Variants in MINAR1 observed in about 807,000 individuals in gnomAD.
The protein encoded by MINAR1 is major intrinsically disordered Notch2-binding receptor 1.
A neutral mutation model predicts 65.1 loss-of-function variants in MINAR1; 40 were observed. That is an observed-to-expected ratio of 0.61 (90% CI 0.48 to 0.80). The LOEUF (loss-of-function observed/expected upper bound fraction) is 0.80. MINAR1 is among the 30% of genes least tolerant of loss of function. The pLI, the probability that MINAR1 is intolerant of heterozygous loss-of-function variation, is 0.00. For synonymous variants in MINAR1, 482 were observed against 449.1 expected (o/e 1.07, Z -0.93); for missense variants, 1,128 against 1,148.0 (o/e 0.98, Z 0.25).
chr15:79,443,846 T>A (rs976235040), intron 1 of MINAR1, among the ~76,000 whole-genome samples: 2 of 152,128 alleles, frequency 1.3e-5, no homozygotes, highest in Non-Finnish European at 1.5e-5. Context: ...AGGTTTTGAT[T>A]ATCTTGAGCT....
rs186398928 is a variant in MINAR1 at position 79,457,104 on chromosome 15, G to A, written c.957G>A (p.Pro319=). 255 of 1,614,068 alleles carry A rather than the reference G, an allele frequency of 1.6e-4. No homozygotes were observed. Among genetic ancestry groups the A allele is most frequent in the Non-Finnish European group, 8.5e-5 (100 of 1,180,012 alleles). Reference sequence around the variant, plus strand: ...AGTACCTGAATCCAGTGTATTCCCCGGTTCCTGACAAAAGGCGAGCAAAGC... The same window carrying A: ...AGTACCTGAATCCAGTGTATTCCCCAGTTCCTGACAAAAGGCGAGCAAAGC... ...NSQYLNPVYS[P]VPDKRRAKHE... is the part of the protein sequence containing the mutation. The change falls in exon 2 of 4, where the codon CCG becomes CCA. Residue 319 remains proline, a synonymous_variant. Coordinates refer to ENST00000305428, the MANE Select transcript of MINAR1 (RefSeq NM_015206.3).
chr15:79,440,124 T>C (rs1894830150), intron 1 of MINAR1, among the ~76,000 whole-genome samples: 1 of 152,138 alleles, frequency 6.6e-6, no homozygotes, highest in Admixed American at 6.5e-5. Context: ...GCATCCACTA[T>C]ACCAGAACCT....
In MINAR1 at chr15:79,452,767, CTG is replaced by C. The variant is rs200348930; in HGVS notation, c.-50-3326_-50-3325del. On this transcript the variant is annotated intron_variant, in intron 1 of 3. Coordinates refer to ENST00000305428, the MANE Select transcript of MINAR1 (RefSeq NM_015206.3). ...GGGGGGGGTGTGTGGGTGAGTGAAG[CTG>C]TGTGCGTGTCTGTGTCTAGGTGAGT... Among the ~76,000 whole-genome samples the C allele has an allele frequency of 9.5e-3, 1,255 of 132,668 alleles. 25 individuals carry two copies. Among genetic ancestry groups the C allele is most frequent in the African/African-American group, 0.032 (1,198 of 37,812 alleles). 87.0% of individuals were successfully genotyped at this position (132,668 alleles called of 152,430 possible).
the MINAR1 span, chr15:79,411,570 G>A: frequency 5.8e-6 from 4 of 695,342 alleles, no homozygotes; most frequent in Non-Finnish European, 7.9e-6. Context: ...GCTGAAGTGG[G>A]AGGAAGCTGC....
At position 79,456,975 on chromosome 15, in the gene MINAR1, C is replaced by T. The variant is rs749222378; in HGVS notation, c.828C>T (p.Gly276=). The part of the protein sequence containing the change: ...NLMAVSPSLV[G]PISKAENEHR... ...TGGCAGTGTCCCCCAGTTTGGTTGGCCCCATCAGCAAAGCAGAGAATGAGC... is the reference window on the plus strand; with the variant it reads ...TGGCAGTGTCCCCCAGTTTGGTTGGTCCCATCAGCAAAGCAGAGAATGAGC... Residue 276 remains glycine (G), a synonymous_variant, in exon 2 of 4, where the codon GGC becomes GGT. Coordinates refer to ENST00000305428, the MANE Select transcript of MINAR1 (RefSeq NM_015206.3). 5 of 1,614,004 alleles carry T rather than the reference C, an allele frequency of 3.1e-6. No homozygotes were observed. In the African/African-American group the frequency reaches 5.3e-5, roughly 17 times the overall value.
Position 79,457,379 on chromosome 15 carries a change from G to T in MINAR1, c.1232G>T (p.Arg411Leu). 2 of 1,614,112 alleles carry T rather than the reference G, an allele frequency of 1.2e-6. No individual in the cohort carries two copies. Among genetic ancestry groups the T allele is most frequent in the East Asian group, 2.2e-5 (1 of 44,876 alleles). ...QTPNFPAPER[R>L]PTYLVPKDQQ... The stretch of plus-strand genomic sequence containing the variant: ...CCCAATTTCCCAGCCCCAGAAAGGC[G>T]CCCAACTTACCTTGTGCCAAAGGAT... The change falls in exon 2 of 4, where the codon CGC (arginine) becomes CTC (leucine). Residue 411 changes from arginine (R) to leucine (L), a missense_variant. Transcript: ENST00000305428.
intron 1 of MINAR1, among the ~76,000 whole-genome samples, chr15:79,446,263 T>G (rs1443785751): frequency 1.3e-5 from 2 of 152,204 alleles, no homozygotes; most frequent in African/African-American, 4.8e-5. Context: ...GTTTTAATTC[T>G]GATCACTTCC....
chr15:79,426,819 A>G, the MINAR1 span: 65,145 of 152,104 alleles, frequency 0.43, 14,384 homozygotes, highest in South Asian at 0.55. Flanking sequence ...ACTGGGCTGC[A>G]TTCAGAAGAA....
At chr15:79,449,052 AT>A (rs771544823) in intron 1 of MINAR1, among the ~76,000 whole-genome samples, 3 of 152,218 alleles carry the variant, frequency 2.0e-5, no homozygotes, top group Non-Finnish European at 2.9e-5. Flanking sequence ...CCACAGGGTA[AT>A]GGGAAAAAAA....
upstream of MINAR1, among the ~76,000 whole-genome samples, chr15:79,428,720 G>C (rs572529631): frequency 1.3e-5 from 2 of 152,278 alleles, no homozygotes; most frequent in South Asian, 4.1e-4. Flanking sequence ...AGTTTACCTA[G>C]ATAGTAGGTG....
chr15:79,461,456 C>T (rs1895637829), intron 2 of MINAR1, among the ~76,000 whole-genome samples: 1 of 152,240 alleles, frequency 6.6e-6, no homozygotes, highest in Non-Finnish European at 1.5e-5. Context: ...ATCACCATCT[C>T]CCCTTCCTCC....
intron 1 of MINAR1, among the ~76,000 whole-genome samples, chr15:79,444,538 C>A (rs1188537711): frequency 2.0e-5 from 3 of 151,964 alleles, no homozygotes; most frequent in African/African-American, 4.8e-5. Flanking sequence ...TGATTTTCAA[C>A]CTTTTATTCC....
chr15:79,456,758 C>T lies in MINAR1; in HGVS notation c.611C>T (p.Thr204Ile). 6.2e-7 allele frequency: 1 copy of T among 1,614,190 alleles called. No homozygotes were observed. Among genetic ancestry groups the T allele is most frequent in the Non-Finnish European group, 8.5e-7 (1 of 1,180,036 alleles). ...RLQALAPYSV[T>I]SPQPCEMQRT... ...CAGGCCCTGGCTCCGTACTCTGTGACCAGCCCTCAGCCCTGTGAGATGCAG... is the reference window on the plus strand; with the variant it reads ...CAGGCCCTGGCTCCGTACTCTGTGATCAGCCCTCAGCCCTGTGAGATGCAG... The change falls in exon 2 of 4, where the codon ACC becomes ATC. Residue 204 changes from threonine to isoleucine, a missense_variant. Physicochemically the swap from Thr to Ile is moderately conservative, Grantham distance 89. Coordinates refer to ENST00000305428, the MANE Select transcript of MINAR1 (RefSeq NM_015206.3).
intron 2 of MINAR1, 111 bp downstream of exon 2, chr15:79,458,556 C>A: frequency 7.6e-7 from 1 of 1,309,204 alleles, no homozygotes; most frequent in Non-Finnish European, 1.0e-6. Flanking sequence ...CCTCTGTGTG[C>A]CAGTCATCCT....
chr15:79,449,531 G>C (rs1307030742), intron 1 of MINAR1, among the ~76,000 whole-genome samples: 4 of 123,400 alleles, frequency 3.2e-5, no homozygotes, highest in Non-Finnish European at 5.1e-5. Flanking sequence ...AAAAGGGCAA[G>C]CTAGCAGAAT....
chr15:79,441,641 A>G (rs1373571484), intron 1 of MINAR1, among the ~76,000 whole-genome samples: 1 of 152,152 alleles, frequency 6.6e-6, no homozygotes, highest in East Asian at 1.9e-4. Flanking sequence ...ATTGTTGATT[A>G]CTTCCTGTAA....
At chr15:79,454,935 C>A (rs555938687) in intron 1 of MINAR1, among the ~76,000 whole-genome samples, 2 of 149,982 alleles carry the variant, frequency 1.3e-5, no homozygotes, top group South Asian at 4.2e-4. Context: ...AATCTGTGAA[C>A]AGTTTTTGAA....
In MINAR1 at chr15:79,468,535, A is replaced by C. The variant is rs987003098; in HGVS notation, c.*151A>C. The C allele has an allele frequency of 3.7e-5, 26 of 703,846 alleles. No individual in the cohort carries two copies. Among genetic ancestry groups the C allele is most frequent in the Non-Finnish European group, 6.1e-5 (26 of 428,458 alleles). 43.6% of individuals were successfully genotyped at this position (703,846 alleles called of 1,614,324 possible). ...TGTTGAATGAAGGTGGTTTTCAGAA[A>C]GTATACATTCTAGTGAGAAATCTAC... On this transcript the variant is annotated 3_prime_UTR_variant, in exon 4 of 4. Coordinates refer to ENST00000305428, the MANE Select transcript of MINAR1 (RefSeq NM_015206.3).
chr15:79,459,636 G>A (rs945934407), intron 2 of MINAR1, among the ~76,000 whole-genome samples: 7 of 152,166 alleles, frequency 4.6e-5, no homozygotes, highest in Non-Finnish European at 1.0e-4. Context: ...TCAAAGCCAG[G>A]GAGGAGGCCG....
Sources: gnomAD v4.1 joint callset for allele counts (sites outside exome capture counted in the v4.1 genomes callset) on GRCh38, gnomAD v4.1.1 for gene constraint, MANE v1.5 for transcripts, NCBI Gene and HGNC (gene_info 2026-07-23, HGNC 2026-07-21) for gene names.